GABRB1: variants seen among roughly 807,000 people sequenced by gnomAD.
GABRB1 encodes gamma-aminobutyric acid receptor subunit beta-1.
GABRB1 carries 17 observed loss-of-function variants against 51.6 expected under a neutral mutation model. The observed-to-expected ratio is 0.33, with a 90% CI of 0.23 to 0.49. The LOEUF is 0.49. Ranked by LOEUF, GABRB1 falls within the 20% of genes least tolerant of loss-of-function variation. The pLI is 0.99. For synonymous variants in GABRB1, 247 were observed against 218.9 expected, an observed-to-expected ratio of 1.13 and a Z score of -1.14; for missense variants, 410 against 600.6, an observed-to-expected ratio of 0.68 and a Z score of 3.32.
intron 3 of GABRB1, among the ~76,000 whole-genome samples, chr4:47,075,832 G>C (rs1727523080): frequency 6.6e-6 from 1 of 152,104 alleles, no homozygotes; most frequent in Non-Finnish European, 1.5e-5. Context: ...GAGTTCTAAG[G>C]GTTTAATTGC....
At chr4:47,095,419 C>T (rs1341826731) in intron 3 of GABRB1, among the ~76,000 whole-genome samples, 2 of 152,098 alleles carry the variant, frequency 1.3e-5, no homozygotes, top group Non-Finnish European at 2.9e-5. Context: ...AGTACTGTCC[C>T]TGGCAAATAA....
chr4:47,350,206 T>TAC (rs1289991962), intron 5 of GABRB1, among the ~76,000 whole-genome samples: 2 of 93,622 alleles, frequency 2.1e-5, no homozygotes, highest in East Asian at 8.2e-4. Flanking sequence ...TATATATATA[T>TAC]ATATATATAT....
intron 5 of GABRB1, among the ~76,000 whole-genome samples, chr4:47,329,941 A>T (rs1255465482): frequency 6.6e-6 from 1 of 152,120 alleles, no homozygotes; most frequent in Non-Finnish European, 1.5e-5. Context: ...AGATCTACAG[A>T]GTGAGTCAGC....
intron 3 of GABRB1, among the ~76,000 whole-genome samples, chr4:47,113,223 T>C (rs1715311512): frequency 6.6e-6 from 1 of 151,852 alleles, no homozygotes; most frequent in South Asian, 2.1e-4. Context: ...CCGTCTCTAC[T>C]AAAATATACA....
At chr4:47,425,423 G>A (rs1169542613) in intron 8 of GABRB1, among the ~76,000 whole-genome samples, 1 of 146,094 alleles carries the variant, frequency 6.8e-6, no homozygotes, top group Non-Finnish European at 1.5e-5. Context: ...ACACACAAGT[G>A]TTCTGTGAGT....
chr4:47,308,437 T>C (rs1724547224), intron 4 of GABRB1, among the ~76,000 whole-genome samples: 1 of 152,086 alleles, frequency 6.6e-6, no homozygotes, highest in South Asian at 2.1e-4. Context: ...GCTGGGAATT[T>C]TGCACAATTT....
chr4:47,011,924 T>C (rs1042044355), intron 1 of GABRB1, among the ~76,000 whole-genome samples: 2 of 152,126 alleles, frequency 1.3e-5, no homozygotes, highest in Admixed American at 6.5e-5. Flanking sequence ...TAGAATATGA[T>C]ATAATAAACA....
At chr4:47,117,551 T>C (rs1212674770) in intron 3 of GABRB1, among the ~76,000 whole-genome samples, 1 of 152,146 alleles carries the variant, frequency 6.6e-6, no homozygotes. Context: ...GTTCAGGAGC[T>C]CAGGGAAAAC....
intron 1 of GABRB1, among the ~76,000 whole-genome samples, chr4:47,016,448 G>C (rs1440762347): frequency 2.0e-5 from 3 of 152,096 alleles, no homozygotes; most frequent in Non-Finnish European, 4.4e-5. Flanking sequence ...AAGTGACATA[G>C]TGACACTTTA....
chr4:47,274,053 A>T (rs1202438500), intron 4 of GABRB1, among the ~76,000 whole-genome samples: 1 of 152,138 alleles, frequency 6.6e-6, no homozygotes, highest in Non-Finnish European at 1.5e-5. Context: ...TCCAGGCAAA[A>T]TGATTGGATA....
At chr4:47,389,779 A>G (rs930506340) in intron 5 of GABRB1, among the ~76,000 whole-genome samples, 15 of 152,214 alleles carry the variant, frequency 9.9e-5, no homozygotes, top group Admixed American at 3.9e-4. Context: ...CAAATATCCA[A>G]TAACTCTGTA....
chr4:47,181,820 G>A (rs191714074), intron 4 of GABRB1, among the ~76,000 whole-genome samples: 19 of 152,074 alleles, frequency 1.2e-4, no homozygotes, highest in Admixed American at 1.0e-3. Context: ...CATCTTCCCC[G>A]GGAGAATTTT....
chr4:47,390,570 A>G (rs1460199002), intron 5 of GABRB1, among the ~76,000 whole-genome samples: 1 of 152,192 alleles, frequency 6.6e-6, no homozygotes, highest in African/African-American at 2.4e-5. Flanking sequence ...TTTTATCTGT[A>G]CTTTCTTCAC....
chr4:47,171,413 T>C (rs1422904075), intron 4 of GABRB1, among the ~76,000 whole-genome samples: 1 of 152,166 alleles, frequency 6.6e-6, no homozygotes, highest in Non-Finnish European at 1.5e-5. Flanking sequence ...CTTGAGAAGA[T>C]GTATCAGATT....
At chr4:47,300,096 G>T (rs1048281212) in intron 4 of GABRB1, among the ~76,000 whole-genome samples, 6 of 119,378 alleles carry the variant, frequency 5.0e-5, no homozygotes, top group African/African-American at 1.9e-4. Flanking sequence ...GTTGTGGGGT[G>T]GGGGGAGGGG....
chr4:47,060,333 T>A (rs563147139), intron 3 of GABRB1, among the ~76,000 whole-genome samples: 2 of 152,278 alleles, frequency 1.3e-5, no homozygotes, highest in Admixed American at 1.3e-4. Flanking sequence ...ATATCCTGAA[T>A]GACATAGTAA....
chr4:47,324,184 C>G (rs1018990895), intron 5 of GABRB1, among the ~76,000 whole-genome samples: 1 of 152,102 alleles, frequency 6.6e-6, no homozygotes, highest in African/African-American at 2.4e-5. Context: ...CTCATTTTCA[C>G]TTATCTTCTT....
intron 5 of GABRB1, among the ~76,000 whole-genome samples, chr4:47,330,720 T>C (rs541212545): frequency 6.6e-6 from 1 of 152,304 alleles, no homozygotes; most frequent in Admixed American, 6.5e-5. Context: ...GCTGGGAGTT[T>C]ATTAAATTTA....
chr4:47,063,075 A>G (rs1577872746), intron 3 of GABRB1, among the ~76,000 whole-genome samples: 1 of 152,254 alleles, frequency 6.6e-6, no homozygotes, highest in East Asian at 1.9e-4. Context: ...ATAAAATCCA[A>G]AGATTTTATA....
Sources: gnomAD v4.1 joint callset for allele counts (sites outside exome capture counted in the v4.1 genomes callset) on GRCh38, gnomAD v4.1.1 for gene constraint, MANE v1.5 for transcripts, NCBI Gene and HGNC (gene_info 2026-07-23, HGNC 2026-07-21) for gene names.